The following FAM177B variants were observed in gnomAD, a reference collection of about 807,000 sequenced individuals.
The protein encoded by FAM177B is family with sequence similarity 177 member B.
FAM177B carries 16 observed loss-of-function variants against 16.1 expected under a neutral mutation model. That is an observed-to-expected ratio of 0.99 (90% CI 0.67 to 1.51). The LOEUF is 1.51. Among genes scored for constraint, FAM177B ranks in the 40% most tolerant of loss-of-function variants. The pLI is 0.00. For synonymous variants in FAM177B, 56 were observed against 59.9 expected, an observed-to-expected ratio of 0.93 and a Z score of 0.30; for missense variants, 178 against 183.7, an observed-to-expected ratio of 0.97 and a Z score of 0.18.
In FAM177B at chr1:222,749,560, A is replaced by G. The variant is rs373347408; in HGVS notation, c.337A>G (p.Lys113Glu). 10 of 1,562,430 alleles carry G rather than the reference A, an allele frequency of 6.4e-6. No individual in the cohort carries two copies. In the African/African-American group the frequency reaches 8.2e-5, roughly 13 times the overall value. The change falls in exon 5 of 6, where the codon AAG becomes GAG. Residue 113 changes from lysine (K) to glutamate (E), a missense_variant and splice_region_variant. Coordinates refer to ENST00000445590, the MANE Select transcript of FAM177B (RefSeq NM_001394345.1). Reference protein sequence around the residue: ...VLNEFYRIQNKKSDNKSERRG... With the variant: ...VLNEFYRIQNEKSDNKSERRG... Reference sequence around the variant, plus strand: ...AAACGAGTTCTATAGGATACAAAACAAGGTATGTGACACTCTGATGGAAAC... The same window carrying G: ...AAACGAGTTCTATAGGATACAAAACGAGGTATGTGACACTCTGATGGAAAC...
chr1:222,748,336 G>A (rs971645965), intron 4 of FAM177B, among the ~76,000 whole-genome samples: 2 of 152,174 alleles, frequency 1.3e-5, no homozygotes, highest in African/African-American at 4.8e-5. Flanking sequence ...GGTAAAAGAA[G>A]CAAAACTCAA....
At chr1:222,746,468 A>G (rs1002566309) in intron 2 of FAM177B, 63 bp from the exon 3 acceptor site, 2 of 894,278 alleles carry the variant, frequency 2.2e-6, no homozygotes, top group South Asian at 3.6e-5. Flanking sequence ...TCCATTGAAA[A>G]TAACTAGATA....
intron 4 of FAM177B, chr1:222,749,087 G>A (rs1198503220): frequency 2.1e-6 from 1 of 471,486 alleles, no homozygotes; most frequent in Non-Finnish European, 4.4e-6. Flanking sequence ...GATTGAGTTT[G>A]GGTTTAATTT....
At chr1:222,744,612 G>A (rs1324981156) in intron 2 of FAM177B, among the ~76,000 whole-genome samples, 1 of 151,930 alleles carries the variant, frequency 6.6e-6, no homozygotes, top group African/African-American at 2.4e-5. Flanking sequence ...GCTAAGAATT[G>A]TTCTAACTTC....
At chr1:222,739,029 G>A (rs553614669) in intron 2 of FAM177B, among the ~76,000 whole-genome samples, 2 of 152,236 alleles carry the variant, frequency 1.3e-5, no homozygotes, top group African/African-American at 2.4e-5. Flanking sequence ...CATAAAGAAC[G>A]AAGACTGGTA....
chr1:222,741,937 T>A (rs1352568354), intron 2 of FAM177B, among the ~76,000 whole-genome samples: 1 of 129,930 alleles, frequency 7.7e-6, no homozygotes, highest in Non-Finnish European at 1.6e-5. Context: ...TCTCTTTCTT[T>A]CTTTCTTTCT....
chr1:222,747,714 T>C (rs187498585), intron 4 of FAM177B, among the ~76,000 whole-genome samples: 184 of 152,356 alleles, frequency 1.2e-3, no homozygotes, highest in Non-Finnish European at 2.1e-3. Flanking sequence ...ACTAAGAGTC[T>C]GAGAAAATAG....
chr1:222,746,766 G>A (rs760292499), intron 3 of FAM177B, 47 bp downstream of exon 3: 3 of 1,429,190 alleles, frequency 2.1e-6, no homozygotes, highest in South Asian at 2.5e-5. Flanking sequence ...GGGAGGCGGT[G>A]AATGAACAAG....
chr1:222,741,063 T>TC (rs1046023953), intron 2 of FAM177B, among the ~76,000 whole-genome samples: 1 of 136,670 alleles, frequency 7.3e-6, no homozygotes, highest in African/African-American at 2.7e-5. Flanking sequence ...TTTTCTTTTT[T>TC]TTTTTTTTTT....
At chr1:222,749,840 C>A in intron 5 of FAM177B, 81 bp from the exon 6 acceptor site, 1 of 1,412,652 alleles carries the variant, frequency 7.1e-7, no homozygotes, top group Non-Finnish European at 1.0e-6. Context: ...AAGCTTCTTA[C>A]ATGGGCATTA....
intron 2 of FAM177B, among the ~76,000 whole-genome samples, 191 bp from the exon 3 acceptor site, chr1:222,746,340 G>T (rs9286760): frequency 6.6e-6 from 1 of 152,100 alleles, no homozygotes; most frequent in Admixed American, 6.5e-5. Flanking sequence ...GTAAGTTCAC[G>T]TTTTCGCTAT....
intron 2 of FAM177B, among the ~76,000 whole-genome samples, chr1:222,741,963 T>C (rs1028904246): frequency 7.1e-6 from 1 of 140,208 alleles, no homozygotes; most frequent in Non-Finnish European, 1.5e-5. Context: ...TCCTTCCTTC[T>C]TTCTTTCTTT....
At chr1:222,740,385 G>C (rs1328595459) in intron 2 of FAM177B, among the ~76,000 whole-genome samples, 3 of 151,956 alleles carry the variant, frequency 2.0e-5, no homozygotes, top group Admixed American at 6.6e-5. Flanking sequence ...GACTTAACTT[G>C]GAATTAATGC....
chr1:222,745,187 T>C (rs1358212433), intron 2 of FAM177B, among the ~76,000 whole-genome samples: 5 of 152,232 alleles, frequency 3.3e-5, no homozygotes, highest in African/African-American at 1.2e-4. Flanking sequence ...GGATGGACAT[T>C]GAGTTGACTC....
At chr1:222,741,123 A>G (rs1658510375) in intron 2 of FAM177B, among the ~76,000 whole-genome samples, 1 of 137,252 alleles carries the variant, frequency 7.3e-6, no homozygotes, top group South Asian at 2.3e-4. Flanking sequence ...CAGTGGTGCA[A>G]TCTCAACTCA....
chr1:222,748,606 T>C (rs1306511359), intron 4 of FAM177B, among the ~76,000 whole-genome samples: 1 of 152,228 alleles, frequency 6.6e-6, no homozygotes, highest in Non-Finnish European at 1.5e-5. Flanking sequence ...ATTTTTTCAA[T>C]TTAAAATTCT....
At position 222,750,594 on chromosome 1, in the gene FAM177B, A is replaced by T. The variant is rs1659007897; in HGVS notation, c.*536A>T. The T allele has an allele frequency of 1.1e-6, 1 of 942,746 alleles. No individual in the cohort carries two copies. 58.4% of individuals were successfully genotyped at this position (942,746 alleles called of 1,614,324 possible). On this transcript the variant is annotated 3_prime_UTR_variant, in exon 6 of 6. Transcript: ENST00000445590. ...CTAATAACTGTGTTACAAGATCATT[A>T]TCAAGATCTTTAAGAATTAGGTACA... is the stretch of plus-strand genomic sequence containing the variant.
chr1:222,745,665 T>TA (rs1404618195), intron 2 of FAM177B, among the ~76,000 whole-genome samples: 1 of 152,120 alleles, frequency 6.6e-6, no homozygotes, highest in Non-Finnish European at 1.5e-5. Context: ...CTCATGCCTA[T>TA]AATCCCAGCA....
intron 3 of FAM177B, 60 bp downstream of exon 3, chr1:222,746,779 A>T: frequency 1.5e-6 from 2 of 1,357,366 alleles, no homozygotes; most frequent in Non-Finnish European, 2.0e-6. Flanking sequence ...TGAACAAGAG[A>T]TTGAGCCAGA....
Sources: allele counts gnomAD v4.1 joint callset (sites outside exome capture counted in the v4.1 genomes callset), GRCh38; gene constraint gnomAD v4.1.1; transcripts MANE v1.5; gene names NCBI Gene and HGNC (gene_info 2026-07-23, HGNC 2026-07-21).